Variants in SLIT3 observed in about 807,000 individuals in gnomAD.
The protein encoded by SLIT3 is slit homolog 3 protein.
In SLIT3, 68 loss-of-function variants were observed where a neutral mutation model predicts 184.0. That is an observed-to-expected ratio of 0.37 (90% CI 0.30 to 0.45). SLIT3 has a LOEUF of 0.45. Among genes scored for constraint, SLIT3 ranks in the 20% least tolerant of loss-of-function variants. The pLI, the probability that SLIT3 is intolerant of heterozygous loss-of-function variation, is 1.00. For synonymous variants in SLIT3, 831 were observed against 828.6 expected, an observed-to-expected ratio of 1.00 and a Z score of -0.05; for missense variants, 1,707 against 2,026.0, an observed-to-expected ratio of 0.84 and a Z score of 3.02.
At chr5:169,280,742 C>T (rs1288552692) in intron 1 of SLIT3, among the ~76,000 whole-genome samples, 1 of 152,156 alleles carries the variant, frequency 6.6e-6, no homozygotes. Context: ...CTGGGCAGGG[C>T]TTTGCTGGCC....
chr5:168,938,767 A>G (rs539010514), intron 4 of SLIT3, among the ~76,000 whole-genome samples: 1 of 152,106 alleles, frequency 6.6e-6, no homozygotes, highest in East Asian at 1.9e-4. Flanking sequence ...AGTAGGTGGG[A>G]CTACAGGTGT....
chr5:168,789,897 G>C, intron 10 of SLIT3: 2 of 411,038 alleles, frequency 4.9e-6, no homozygotes, highest in East Asian at 4.0e-5. Flanking sequence ...ACGAGGCTGT[G>C]AACACGTGAA....
chr5:169,276,838 A>G (rs1766823086), intron 1 of SLIT3, among the ~76,000 whole-genome samples: 1 of 152,246 alleles, frequency 6.6e-6, no homozygotes, highest in African/African-American at 2.4e-5. Flanking sequence ...AAGAATTTCT[A>G]TAATTTTCCT....
chr5:169,229,307 A>G (rs1194497733), intron 3 of SLIT3, among the ~76,000 whole-genome samples: 1 of 152,210 alleles, frequency 6.6e-6, no homozygotes, highest in African/African-American at 2.4e-5. Context: ...CATTGAGGGG[A>G]AAGAGCGAGG....
Position 168,671,415 on chromosome 5 carries a change from C to T in SLIT3, c.3910G>A (p.Gly1304Arg), listed in dbSNP as rs1243445681. 2 of 1,613,998 alleles carry T rather than the reference C, an allele frequency of 1.2e-6. No individual in the cohort carries two copies. Among genetic ancestry groups the T allele is most frequent in the Non-Finnish European group, 8.5e-7 (1 of 1,180,004 alleles). Residue 1304 changes from glycine (G) to arginine (R), a missense_variant, in exon 34 of 36, where the codon GGA (glycine) becomes AGA (arginine). Gly to Arg is a moderately radical substitution (Grantham distance 125). Transcript: ENST00000519560. ...GTDRPLGGFH[G>R]CIHEVRINNE... is the part of the protein sequence containing the mutation. ...TTGATGCGCACCTCATGGATGCATC[C>T]GTGGAAGCCGCCTAGAGGCCGGTCC...
At position 169,300,612 on chromosome 5, in the gene SLIT3, G is replaced by T; in HGVS notation, c.98C>A (p.Ala33Asp). 1 of 1,505,720 alleles carries T rather than the reference G, an allele frequency of 6.6e-7. No individual in the cohort carries two copies. 93.3% of individuals were successfully genotyped at this position (1,505,720 alleles called of 1,614,324 possible). Residue 33 changes from alanine to aspartate, a missense_variant, in exon 1 of 36, where the codon GCC (alanine) becomes GAC (aspartate). Physicochemically the swap from Ala to Asp is moderately radical, Grantham distance 126. Transcript: ENST00000519560. The surrounding 1 kb of genome is among the most constrained non-coding windows in gnomAD (Gnocchi z 4.1). Reference protein sequence around the residue: ...ASVLSGPPAVACPTKCTCSAA... With the variant: ...ASVLSGPPAVDCPTKCTCSAA... Reference sequence around the variant, plus strand: ...GGAGCAGGTACACTTGGTGGGGCAGGCGACGGCTGGAGGCCCACTCAGGAC... The same window carrying T: ...GGAGCAGGTACACTTGGTGGGGCAGTCGACGGCTGGAGGCCCACTCAGGAC...
At chr5:168,799,629 G>A (rs1756693409) in intron 9 of SLIT3, among the ~76,000 whole-genome samples, 1 of 152,284 alleles carries the variant, frequency 6.6e-6, no homozygotes, top group South Asian at 2.1e-4. Context: ...GGGCACGGCC[G>A]GCACAGGGGC....
chr5:169,040,913 A>C (rs1290530608), intron 4 of SLIT3, among the ~76,000 whole-genome samples: 1 of 152,236 alleles, frequency 6.6e-6, no homozygotes, highest in African/African-American at 2.4e-5. Flanking sequence ...CCACCTCTGC[A>C]AATGATGATT....
chr5:168,912,127 A>G (rs903631081), intron 4 of SLIT3, among the ~76,000 whole-genome samples: 27 of 152,302 alleles, frequency 1.8e-4, no homozygotes, highest in African/African-American at 6.5e-4. Context: ...ATGATGACCC[A>G]CTTCCATTTA....
chr5:168,946,637 G>A (rs2113224339), intron 4 of SLIT3, among the ~76,000 whole-genome samples: 1 of 152,298 alleles, frequency 6.6e-6, no homozygotes, highest in Admixed American at 6.5e-5. Context: ...GCAAGCACAG[G>A]CCCTGAATCA....
chr5:168,806,089 A>G (rs1756946715), intron 9 of SLIT3, among the ~76,000 whole-genome samples: 1 of 152,230 alleles, frequency 6.6e-6, no homozygotes, highest in African/African-American at 2.4e-5. Flanking sequence ...CATACTTTTT[A>G]GGCCTTGTGG....
chr5:169,076,979 C>A (rs928290966), intron 4 of SLIT3, among the ~76,000 whole-genome samples: 3 of 151,970 alleles, frequency 2.0e-5, no homozygotes, highest in African/African-American at 4.8e-5. Context: ...CACACACACA[C>A]CCTAGAGGGA....
chr5:169,048,584 T>C (rs1051418560), intron 4 of SLIT3, among the ~76,000 whole-genome samples: 1 of 152,200 alleles, frequency 6.6e-6, no homozygotes, highest in African/African-American at 2.4e-5. Flanking sequence ...TTACCTAGTT[T>C]GCCTTACAGA....
intron 14 of SLIT3, among the ~76,000 whole-genome samples, chr5:168,765,930 G>A (rs1010120938): frequency 1.3e-5 from 2 of 152,066 alleles, no homozygotes; most frequent in Admixed American, 1.3e-4. Context: ...TAGACGGGGG[G>A]GTGGGGGTAG....
chr5:168,908,833 C>A (rs1003164404), intron 4 of SLIT3, among the ~76,000 whole-genome samples: 3 of 152,172 alleles, frequency 2.0e-5, no homozygotes, highest in African/African-American at 7.2e-5. Context: ...ACTACTATTT[C>A]AACTAAAAAT....
chr5:169,271,506 G>A (rs893333168), intron 1 of SLIT3, among the ~76,000 whole-genome samples: 4 of 152,184 alleles, frequency 2.6e-5, no homozygotes, highest in Non-Finnish European at 4.4e-5. Context: ...CTGGGGCCAC[G>A]GTGCTGGTGC....
At chr5:169,003,471 C>T (rs1374585956) in intron 4 of SLIT3, among the ~76,000 whole-genome samples, 2 of 152,214 alleles carry the variant, frequency 1.3e-5, no homozygotes, top group Non-Finnish European at 2.9e-5. Context: ...TTTTCAGAGG[C>T]TCCTACCAGA....
chr5:168,922,267 C>T (rs1470439349), intron 4 of SLIT3, among the ~76,000 whole-genome samples: 1 of 151,896 alleles, frequency 6.6e-6, no homozygotes, highest in Non-Finnish European at 1.5e-5. Flanking sequence ...ACCATCCTGG[C>T]GAACATGGTG....
At chr5:168,741,045 C>T (rs1763617358) in intron 20 of SLIT3, among the ~76,000 whole-genome samples, 1 of 152,156 alleles carries the variant, frequency 6.6e-6, no homozygotes, top group East Asian at 1.9e-4. Context: ...GGGCATGACC[C>T]CAGCTCAAAC....
Sources: allele counts gnomAD v4.1 joint callset (sites outside exome capture counted in the v4.1 genomes callset), GRCh38; gene constraint gnomAD v4.1.1; non-coding constraint Gnocchi (gnomAD v3.1); transcripts MANE v1.5; gene names NCBI Gene and HGNC (gene_info 2026-07-23, HGNC 2026-07-21).